Variants in NSD1 observed in about 807,000 individuals in gnomAD.
NSD1 encodes nuclear receptor binding SET domain protein 1.
In NSD1, 26 loss-of-function variants were observed where a neutral mutation model predicts 242.7. That is an observed-to-expected ratio of 0.11 (90% CI 0.08 to 0.15). NSD1 has a LOEUF of 0.15. Among genes scored for constraint, NSD1 ranks in the 10% least tolerant of loss-of-function variants. The probability of loss-of-function intolerance (pLI) is 1.00; values close to 1 mark genes in which losing one functional copy is unlikely to be tolerated. For missense variants in NSD1, 2,495 were observed against 3,272.8 expected, an observed-to-expected ratio of 0.76 and a Z score of 5.80; for synonymous variants, 1,106 against 1,178.1, an observed-to-expected ratio of 0.94 and a Z score of 1.25.
chr5:177,136,167 G>C, intron 2 of NSD1, 137 bp downstream of exon 2: 1 of 739,686 alleles, frequency 1.4e-6, no homozygotes, highest in Non-Finnish European at 2.2e-6. Flanking sequence ...CATAAGCTTT[G>C]GGCAAAATTT....
chr5:177,257,839 TTTA>T (rs1389032957), intron 13 of NSD1, among the ~76,000 whole-genome samples: 1 of 150,030 alleles, frequency 6.7e-6, no homozygotes, highest in East Asian at 2.0e-4. Flanking sequence ...TTTATTTTAT[TTTA>T]TTTTTTTTTG....
intron 17 of NSD1, among the ~76,000 whole-genome samples, chr5:177,276,524 C>T (rs553510751): frequency 6.6e-6 from 1 of 152,250 alleles, no homozygotes; most frequent in Non-Finnish European, 1.5e-5. Flanking sequence ...TGGGGTTTCA[C>T]CATGTTAGCC....
chr5:177,164,582 A>G (rs1759029261), intron 2 of NSD1, among the ~76,000 whole-genome samples: 1 of 152,196 alleles, frequency 6.6e-6, no homozygotes, highest in Non-Finnish European at 1.5e-5. Context: ...TCTGTATATT[A>G]TACTGGAAAT....
chr5:177,143,095 A>G (rs1756957221), intron 2 of NSD1, among the ~76,000 whole-genome samples: 1 of 152,192 alleles, frequency 6.6e-6, no homozygotes, highest in Non-Finnish European at 1.5e-5. Flanking sequence ...TTACAGAGGT[A>G]CAGTTTGGGA....
At chr5:177,284,616 G>A (rs77423255) in intron 20 of NSD1, among the ~76,000 whole-genome samples, 7,417 of 152,162 alleles carry the variant, frequency 0.049, 200 homozygotes, top group South Asian at 0.081. Flanking sequence ...CAGTGTCTTC[G>A]GAACATGGAT....
chr5:177,251,620 C>T (rs963121135), intron 11 of NSD1, 110 bp from the exon 12 acceptor site: 6 of 1,125,832 alleles, frequency 5.3e-6, no homozygotes. Context: ...CTCTTTCTCA[C>T]CTCCTTTTCT....
intron 17 of NSD1, among the ~76,000 whole-genome samples, chr5:177,277,946 A>AAAT (rs1758533636): frequency 6.6e-6 from 1 of 152,222 alleles, no homozygotes; most frequent in African/African-American, 2.4e-5. Context: ...ATCAGAAGTG[A>AAAT]ATGTTCAAAT....
At chr5:177,271,886 G>A (rs899182188) in intron 16 of NSD1, among the ~76,000 whole-genome samples, 1 of 152,146 alleles carries the variant, frequency 6.6e-6, no homozygotes, top group Non-Finnish European at 1.5e-5. Flanking sequence ...AGTGGCTAAA[G>A]CCTGTAATCC....
chr5:177,235,402 C>A (rs1441164503), intron 5 of NSD1, among the ~76,000 whole-genome samples: 1 of 152,042 alleles, frequency 6.6e-6, no homozygotes, highest in Non-Finnish European at 1.5e-5. Context: ...AATTCTAAAT[C>A]ACTTCTGATC....
Position 177,134,974 on chromosome 5 carries a change from G to A in NSD1, c.-17-113G>A, listed in dbSNP as rs1756189774. On this transcript the variant is annotated intron_variant, in intron 1 of 22. Transcript: ENST00000439151. The surrounding 1 kb of genome is among the most constrained non-coding windows in gnomAD (Gnocchi z 4.2). ...GTCGGGGGAACTTTTTCTGCCCATG[G>A]AAGTGCAGCAGAAAGGCATAGAGGC... 2.2e-6 allele frequency: 2 copies of A among 905,150 alleles called. No individual in the cohort carries two copies. The allele number at this position is 905,150 out of a possible 1,614,324, so 56.1% of individuals were successfully genotyped here. A position where few individuals can be genotyped will look rare whatever the true frequency, so the allele number is the denominator to read the frequency against.
intron 14 of NSD1, chr5:177,264,816 G>C (rs905400208): frequency 1.3e-6 from 1 of 752,786 alleles, no homozygotes; most frequent in African/African-American, 1.7e-5. Flanking sequence ...TGTTCTGTAG[G>C]CCTTTTAGAA....
chr5:177,212,320 T>C, intron 5 of NSD1, 125 bp downstream of exon 5: 1 of 918,536 alleles, frequency 1.1e-6, no homozygotes, highest in Non-Finnish European at 1.7e-6. Flanking sequence ...GAATCATCAC[T>C]TCAATGAAGA....
intron 2 of NSD1, among the ~76,000 whole-genome samples, chr5:177,144,787 A>G (rs778794731): frequency 1.3e-4 from 20 of 152,116 alleles, no homozygotes; most frequent in Non-Finnish European, 2.4e-4. Context: ...TTGAATTTAG[A>G]AAAGTAATAC....
Position 177,299,166 on chromosome 5 carries a change from GT to G in NSD1, c.*3711del, listed in dbSNP as rs1214082842. Reference sequence around the variant, plus strand: ...TAAATTGAAATAAGAATAGATCATTGTTTTGTACACACACACAATAAAATGT... The same window carrying G: ...TAAATTGAAATAAGAATAGATCATTGTTTGTACACACACACAATAAAATGT... On this transcript the variant is annotated 3_prime_UTR_variant, in exon 23 of 23. Transcript: ENST00000439151. 5 of 233,124 alleles carry G rather than the reference GT, an allele frequency of 2.1e-5. No homozygotes were observed. The highest frequency in any genetic ancestry group is 4.2e-5 in the Non-Finnish European group (5 of 118,048). The allele number at this position is 233,124 out of a possible 1,614,324, so 14.4% of individuals were successfully genotyped here. A position where few individuals can be genotyped will look rare whatever the true frequency, so the allele number is the denominator to read the frequency against.
At chr5:177,173,466 CTT>C (rs768982432) in intron 2 of NSD1, among the ~76,000 whole-genome samples, 22 of 62,202 alleles carry the variant, frequency 3.5e-4, no homozygotes, top group African/African-American at 1.1e-3. Flanking sequence ...TACTATCTGG[CTT>C]TTTTTTTTTT....
At chr5:177,166,204 C>T (rs554621629) in intron 2 of NSD1, among the ~76,000 whole-genome samples, 5 of 150,292 alleles carry the variant, frequency 3.3e-5, no homozygotes, top group East Asian at 4.0e-4. Context: ...TGAGCCACCG[C>T]GCCTGGCCTC....
chr5:177,218,026 C>T (rs897760273), intron 5 of NSD1, among the ~76,000 whole-genome samples: 2 of 152,092 alleles, frequency 1.3e-5, no homozygotes, highest in Admixed American at 6.6e-5. Flanking sequence ...AATACTCCCA[C>T]CTTGACCTCC....
chr5:177,240,154 C>G (rs528253853), intron 8 of NSD1, among the ~76,000 whole-genome samples: 1 of 152,128 alleles, frequency 6.6e-6, no homozygotes, highest in African/African-American at 2.4e-5. Flanking sequence ...GGGTTCAAAT[C>G]CTCTTACCTG....
chr5:177,143,343 A>C (rs1485666873), intron 2 of NSD1, among the ~76,000 whole-genome samples: 1 of 150,388 alleles, frequency 6.6e-6, no homozygotes, highest in Non-Finnish European at 1.5e-5. Context: ...TTTTTTTGAG[A>C]TGGAGTCTTG....
Sources: allele counts gnomAD v4.1 joint callset (sites outside exome capture counted in the v4.1 genomes callset), GRCh38; gene constraint gnomAD v4.1.1; non-coding constraint Gnocchi (gnomAD v3.1); transcripts MANE v1.5; gene names NCBI Gene and HGNC (gene_info 2026-07-23, HGNC 2026-07-21).